EYS: variants seen among roughly 807,000 people sequenced by gnomAD.
EYS encodes protein eyes shut homolog.
EYS carries 250 observed loss-of-function variants against 282.1 expected under a neutral mutation model. The ratio of observed to expected loss-of-function variants is 0.89; its 90% confidence interval spans 0.80 to 0.98. The LOEUF (loss-of-function observed/expected upper bound fraction) is 0.98. EYS is among the 50% of genes least tolerant of loss of function. The probability of loss-of-function intolerance (pLI) is 0.00; values close to 1 mark genes in which losing one functional copy is unlikely to be tolerated. For synonymous variants in EYS, 1,355 were observed against 1,282.9 expected (o/e 1.06, Z -1.20); for missense variants, 4,016 against 3,709.0 (o/e 1.08, Z -2.15).
chr6:64,652,757 CT>C (rs1411858439), intron 22 of EYS, among the ~76,000 whole-genome samples: 1 of 151,582 alleles, frequency 6.6e-6, no homozygotes, highest in Non-Finnish European at 1.5e-5. Flanking sequence ...GAAACCTCCT[CT>C]ACATGTAGCG....
chr6:65,504,231 T>C lies in EYS; in HGVS notation c.-332-8238A>G, dbSNP rs78586379. On this transcript the variant is annotated intron_variant, in intron 2 of 42. Transcript: ENST00000503581. The stretch of plus-strand genomic sequence containing the variant: ...CTATTACAAATGGTATTATTTTTCC[T>C]TTAAATATTAGTTGTTCATTGCTGT... 2.1e-3 allele frequency among the ~76,000 whole-genome samples: 317 copies of C among 151,884 alleles called. 3 individuals are homozygous for C. The highest frequency in any genetic ancestry group is 7.6e-3 in the African/African-American group (314 of 41,540).
At chr6:65,687,125 G>C (rs1486684277) in intron 1 of EYS, among the ~76,000 whole-genome samples, 5 of 151,938 alleles carry the variant, frequency 3.3e-5, no homozygotes, top group African/African-American at 1.2e-4. Flanking sequence ...TTGTGTTTTT[G>C]AAACCAAGAA....
chr6:65,701,269 C>G (rs1023114624), intron 1 of EYS, among the ~76,000 whole-genome samples: 1 of 152,054 alleles, frequency 6.6e-6, no homozygotes, highest in Non-Finnish European at 1.5e-5. Flanking sequence ...CATAAAATAA[C>G]ACGAATGTCT....
chr6:64,690,162 G>A (rs960308573), intron 22 of EYS, among the ~76,000 whole-genome samples: 14 of 151,906 alleles, frequency 9.2e-5, no homozygotes, highest in African/African-American at 3.1e-4. Flanking sequence ...CAAAAAGTGG[G>A]CGAAGGATAT....
At chr6:64,690,381 G>A (rs927140846) in intron 22 of EYS, among the ~76,000 whole-genome samples, 16 of 152,188 alleles carry the variant, frequency 1.1e-4, no homozygotes, top group Non-Finnish European at 2.2e-4. Context: ...CTGTTGGTGG[G>A]AGTGTAAACT....
At chr6:64,337,082 C>G (rs567494163) in intron 29 of EYS, among the ~76,000 whole-genome samples, 13 of 151,934 alleles carry the variant, frequency 8.6e-5, no homozygotes, top group Non-Finnish European at 1.8e-4. Flanking sequence ...GAAACAAGAA[C>G]AAACCAAATC....
At chr6:64,211,958 A>G (rs986113694) in intron 31 of EYS, among the ~76,000 whole-genome samples, 2 of 151,746 alleles carry the variant, frequency 1.3e-5, no homozygotes. Context: ...TCTACTAAAA[A>G]TATAAAAATT....
chr6:65,517,846 G>T (rs1767201480), intron 2 of EYS, among the ~76,000 whole-genome samples: 1 of 152,042 alleles, frequency 6.6e-6, no homozygotes, highest in African/African-American at 2.4e-5. Flanking sequence ...TCACATGTAA[G>T]TTTGAGGCAG....
intron 35 of EYS, among the ~76,000 whole-genome samples, chr6:63,899,226 A>G (rs1039841662): frequency 1.3e-5 from 2 of 152,218 alleles, no homozygotes; most frequent in Non-Finnish European, 2.9e-5. Flanking sequence ...CATACTGCCT[A>G]TTAATGTACT....
rs150314642 is a variant in EYS, at chr6:64,481,145, T to G, written c.5645-41793A>C. Among the ~76,000 whole-genome samples, 1,044 of 150,988 alleles carry G rather than the reference T, an allele frequency of 6.9e-3. 8 individuals are homozygous for G. The highest frequency in any genetic ancestry group is 0.023 in the African/African-American group (944 of 41,270). ...TTTTGCCATTATTATAAAAAGCCAC[T>G]GAAAACTCACAGCTTTCTCTTTATT... On this transcript the variant is annotated intron_variant, in intron 26 of 42. Transcript: ENST00000503581.
At chr6:64,317,013 G>T (rs1769996889) in intron 29 of EYS, among the ~76,000 whole-genome samples, 1 of 152,140 alleles carries the variant, frequency 6.6e-6, no homozygotes, top group South Asian at 2.1e-4. Flanking sequence ...CTGCCCATAT[G>T]CAGGAAGGTG....
intron 29 of EYS, among the ~76,000 whole-genome samples, chr6:64,316,594 C>T (rs1164839012): frequency 6.6e-6 from 1 of 152,112 alleles, no homozygotes; most frequent in Non-Finnish European, 1.5e-5. Context: ...ACATTCCATG[C>T]TCAAGGATAG....
chr6:64,794,974 G>A (rs1774309374), intron 22 of EYS, among the ~76,000 whole-genome samples: 1 of 152,062 alleles, frequency 6.6e-6, no homozygotes, highest in Non-Finnish European at 1.5e-5. Flanking sequence ...GTGGCTCATG[G>A]CTGTAATCCC....
chr6:63,962,923 G>T (rs906154152), intron 35 of EYS, among the ~76,000 whole-genome samples: 10 of 152,076 alleles, frequency 6.6e-5, no homozygotes, highest in African/African-American at 2.2e-4. Flanking sequence ...GGAATACTTT[G>T]CAGCCATAAA....
At chr6:63,991,087 T>A (rs1026707726) in intron 34 of EYS, among the ~76,000 whole-genome samples, 1 of 151,652 alleles carries the variant, frequency 6.6e-6, no homozygotes, top group Non-Finnish European at 1.5e-5. Context: ...ACCTGTAGTA[T>A]CATATACAGA....
At chr6:64,386,161 C>A (rs913582833) in intron 29 of EYS, among the ~76,000 whole-genome samples, 3 of 152,160 alleles carry the variant, frequency 2.0e-5, no homozygotes, top group South Asian at 2.1e-4. Flanking sequence ...TCAGCAGGAA[C>A]ACACACAAAG....
chr6:64,495,844 TC>T (rs758052258), intron 26 of EYS, among the ~76,000 whole-genome samples: 4 of 151,934 alleles, frequency 2.6e-5, no homozygotes, highest in Non-Finnish European at 4.4e-5. Context: ...TAATTAAATT[TC>T]CATTGGAAGA....
At chr6:65,482,397 T>C (rs894254111) in intron 5 of EYS, among the ~76,000 whole-genome samples, 1 of 152,224 alleles carries the variant, frequency 6.6e-6, no homozygotes, top group African/African-American at 2.4e-5. Flanking sequence ...GAGCAAGGAC[T>C]AGTTCAATTC....
chr6:65,321,092 T>C (rs1403209494), intron 11 of EYS, among the ~76,000 whole-genome samples: 1 of 151,914 alleles, frequency 6.6e-6, no homozygotes, highest in African/African-American at 2.4e-5. Flanking sequence ...ATGGCAGTGC[T>C]CTGTAAGACT....
Sources: gnomAD v4.1 joint callset for allele counts (sites outside exome capture counted in the v4.1 genomes callset) on GRCh38, gnomAD v4.1.1 for gene constraint, MANE v1.5 for transcripts, NCBI Gene and HGNC (gene_info 2026-07-23, HGNC 2026-07-21) for gene names.